Variants in CTNNBL1 observed in about 807,000 individuals in gnomAD.
CTNNBL1 encodes the protein beta-catenin-like protein 1.
A neutral mutation model predicts 72.7 loss-of-function variants in CTNNBL1; 31 were observed. That is an observed-to-expected ratio of 0.43 (90% CI 0.32 to 0.58). The LOEUF (loss-of-function observed/expected upper bound fraction) is 0.58. Among genes scored for constraint, CTNNBL1 ranks in the 20% least tolerant of loss-of-function variants. CTNNBL1 has a pLI of 0.08. For missense variants in CTNNBL1, 534 were observed against 725.1 expected, an observed-to-expected ratio of 0.74 and a Z score of 3.03; for synonymous variants, 240 against 267.3, an observed-to-expected ratio of 0.90 and a Z score of 1.00.
At chr20:37,824,533 G>A (rs538037632) in intron 11 of CTNNBL1, among the ~76,000 whole-genome samples, 2 of 152,264 alleles carry the variant, frequency 1.3e-5, no homozygotes, top group Admixed American at 6.5e-5. Context: ...CTGGATTAGT[G>A]TATCAGGAAT....
intron 1 of CTNNBL1, among the ~76,000 whole-genome samples, chr20:37,696,817 T>G (rs527823721): frequency 6.6e-6 from 1 of 152,160 alleles, no homozygotes; most frequent in Non-Finnish European, 1.5e-5. Flanking sequence ...TTACGATATA[T>G]TGGATTAAAG....
intron 11 of CTNNBL1, among the ~76,000 whole-genome samples, chr20:37,824,024 T>G (rs1307820447): frequency 6.6e-6 from 1 of 152,148 alleles, no homozygotes; most frequent in Non-Finnish European, 1.5e-5. Context: ...GGTAACTATA[T>G]AATATACTTT....
intron 10 of CTNNBL1, among the ~76,000 whole-genome samples, chr20:37,799,539 C>T (rs891522063): frequency 1.3e-5 from 2 of 152,184 alleles, no homozygotes; most frequent in Non-Finnish European, 2.9e-5. Flanking sequence ...CAGAAGTCAC[C>T]TGCCATTTGA....
chr20:37,852,528 C>T (rs1219627912), intron 13 of CTNNBL1, among the ~76,000 whole-genome samples: 3 of 152,172 alleles, frequency 2.0e-5, no homozygotes, highest in Non-Finnish European at 4.4e-5. Flanking sequence ...TCTGGGAACG[C>T]CATCAGCCAA....
chr20:37,718,598 C>G (rs893551434), intron 1 of CTNNBL1, among the ~76,000 whole-genome samples: 1 of 150,172 alleles, frequency 6.7e-6, no homozygotes, highest in South Asian at 2.1e-4. Context: ...GCTGACCCCC[C>G]CCACCTCCCT....
intron 15 of CTNNBL1, among the ~76,000 whole-genome samples, chr20:37,866,929 C>T (rs998629368): frequency 2.6e-5 from 4 of 151,964 alleles, no homozygotes; most frequent in African/African-American, 9.7e-5. Flanking sequence ...TCGACTTCCC[C>T]GGGGCCTTGT....
intron 14 of CTNNBL1, 56 bp downstream of exon 14, chr20:37,860,092 C>T: frequency 6.5e-7 from 1 of 1,545,684 alleles, no homozygotes; most frequent in Non-Finnish European, 8.7e-7. Context: ...TCCTCGCCAG[C>T]TGCTTAGGTG....
intron 10 of CTNNBL1, among the ~76,000 whole-genome samples, chr20:37,793,262 T>C (rs1156588299): frequency 6.6e-6 from 1 of 152,244 alleles, no homozygotes; most frequent in Admixed American, 6.5e-5. Flanking sequence ...TGTCTATTTT[T>C]CCTTTCAGTT....
chr20:37,789,175 G>A (rs1330557625), intron 10 of CTNNBL1, among the ~76,000 whole-genome samples: 1 of 152,198 alleles, frequency 6.6e-6, no homozygotes, highest in East Asian at 1.9e-4. Context: ...AAAAGATGAG[G>A]TAAGGGTGGA....
At chr20:37,806,814 G>T (rs1360267488) in intron 11 of CTNNBL1, among the ~76,000 whole-genome samples, 2 of 152,196 alleles carry the variant, frequency 1.3e-5, no homozygotes, top group African/African-American at 4.8e-5. Context: ...ATCAGAGTTA[G>T]GAGGGGTCTG....
chr20:37,765,149 G>A (rs1315435513), intron 5 of CTNNBL1, 48 bp from the exon 6 acceptor site: 1 of 1,306,776 alleles, frequency 7.7e-7, no homozygotes, highest in South Asian at 1.3e-5. Context: ...ACATTTTGGG[G>A]ACCATTTTAT....
At chr20:37,832,981 C>T (rs989470216) in intron 11 of CTNNBL1, among the ~76,000 whole-genome samples, 6 of 152,160 alleles carry the variant, frequency 3.9e-5, no homozygotes, top group African/African-American at 1.4e-4. Flanking sequence ...TGTGAATGCT[C>T]TGAAACTCCA....
At chr20:37,865,597 G>C (rs2072530673) in intron 15 of CTNNBL1, among the ~76,000 whole-genome samples, 1 of 152,182 alleles carries the variant, frequency 6.6e-6, no homozygotes, top group Admixed American at 6.5e-5. Context: ...AGCTACGCAT[G>C]GGCATTGTTG....
In CTNNBL1 at chr20:37,871,237, C is replaced by T. The variant is rs146894060; in HGVS notation, c.1604-688C>T. ...CAGTGCTGCTGCTGCTGCTGCTGCT[C>T]GGGTCCACACTCAGAACCACTCACC... On this transcript the variant is annotated intron_variant, in intron 15 of 15. Coordinates refer to ENST00000361383, the MANE Select transcript of CTNNBL1 (RefSeq NM_030877.5). 2.5e-3 allele frequency among the ~76,000 whole-genome samples: 388 copies of T among 152,216 alleles called. 2 individuals are homozygous for T. The highest frequency in any genetic ancestry group is 6.0e-3 in the South Asian group (29 of 4,820).
At position 37,777,713 on chromosome 20, in the gene CTNNBL1, G is replaced by A. The variant is rs2073588538; in HGVS notation, c.882+1G>A. 4.3e-6 allele frequency: 7 copies of A among 1,613,218 alleles called. No individual in the cohort carries two copies. Among genetic ancestry groups the A allele is most frequent in the South Asian group, 1.1e-5 (1 of 91,060 alleles). On this transcript the variant is annotated splice_donor_variant, in intron 9 of 15. Transcript: ENST00000361383. LOFTEE classifies it high-confidence loss of function. The stretch of plus-strand genomic sequence containing the variant: ...CGATGTGCTTCTTCAGCAGTTATCC[G>A]TGAGTAATTCTTATGCTTCCTGTCT...
intron 7 of CTNNBL1, among the ~76,000 whole-genome samples, chr20:37,773,495 A>G (rs1385598424): frequency 1.3e-5 from 2 of 152,224 alleles, no homozygotes; most frequent in African/African-American, 4.8e-5. Context: ...GCTCCTGGAT[A>G]GAAGAGAGCC....
At chr20:37,717,107 C>CT (rs1231774124) in intron 1 of CTNNBL1, among the ~76,000 whole-genome samples, 2 of 147,584 alleles carry the variant, frequency 1.4e-5, no homozygotes, top group Non-Finnish European at 2.9e-5. Context: ...CATCTTTTCT[C>CT]TTTTTTTCCT....
intron 15 of CTNNBL1, among the ~76,000 whole-genome samples, chr20:37,862,468 A>T (rs941817245): frequency 6.6e-6 from 1 of 152,166 alleles, no homozygotes; most frequent in Non-Finnish European, 1.5e-5. Flanking sequence ...AAACCCTGCC[A>T]CACACACCCT....
At chr20:37,767,016 G>T (rs2073474725) in intron 6 of CTNNBL1, among the ~76,000 whole-genome samples, 1 of 152,104 alleles carries the variant, frequency 6.6e-6, no homozygotes, top group Non-Finnish European at 1.5e-5. Flanking sequence ...CCCCTGCCTG[G>T]TCATCCTTTA....
Sources: gnomAD v4.1 joint callset for allele counts (sites outside exome capture counted in the v4.1 genomes callset) on GRCh38, gnomAD v4.1.1 for gene constraint, MANE v1.5 for transcripts, NCBI Gene and HGNC (gene_info 2026-07-23, HGNC 2026-07-21) for gene names.